Variants in ZDHHC14 observed in about 807,000 individuals in gnomAD.
The protein encoded by ZDHHC14 is zDHHC palmitoyltransferase 14, also known as palmitoyltransferase ZDHHC14.
A neutral mutation model predicts 47.7 loss-of-function variants in ZDHHC14; 16 were observed. The observed-to-expected ratio is 0.34, with a 90% CI of 0.23 to 0.51. ZDHHC14 has a LOEUF of 0.51. Ranked by LOEUF, ZDHHC14 falls within the 20% of genes least tolerant of loss-of-function variation. ZDHHC14 has a pLI of 0.97. For synonymous variants in ZDHHC14, 293 were observed against 278.9 expected (o/e 1.05, Z -0.50); for missense variants, 515 against 662.5 (o/e 0.78, Z 2.44).
At chr6:157,518,844 T>C (rs1780802681) in intron 1 of ZDHHC14, among the ~76,000 whole-genome samples, 1 of 152,248 alleles carries the variant, frequency 6.6e-6, no homozygotes, top group South Asian at 2.1e-4. Context: ...CAGCGCATTC[T>C]TGTGAGGGGT....
At chr6:157,507,679 A>G (rs1212037031) in intron 1 of ZDHHC14, among the ~76,000 whole-genome samples, 1 of 152,114 alleles carries the variant, frequency 6.6e-6, no homozygotes, top group Non-Finnish European at 1.5e-5. Context: ...TTTTAGCTCT[A>G]TCTGAGCCTC....
At chr6:157,556,030 C>T (rs895383157) in intron 2 of ZDHHC14, among the ~76,000 whole-genome samples, 8 of 152,046 alleles carry the variant, frequency 5.3e-5, no homozygotes, top group Non-Finnish European at 7.4e-5. Context: ...CCGGAGGAGG[C>T]GGTACTGGGA....
At chr6:157,436,215 T>A (rs745689196) in intron 1 of ZDHHC14, among the ~76,000 whole-genome samples, 12 of 152,204 alleles carry the variant, frequency 7.9e-5, no homozygotes, top group Non-Finnish European at 1.0e-4. Flanking sequence ...CTTTTTTTCC[T>A]TATTTGTAAA....
At chr6:157,490,964 T>G (rs1583701868) in intron 1 of ZDHHC14, among the ~76,000 whole-genome samples, 1 of 148,058 alleles carries the variant, frequency 6.8e-6, no homozygotes. Flanking sequence ...AAGCAGGGAG[T>G]GGGGGCGCAG....
chr6:157,416,626 C>T (rs1266320736), intron 1 of ZDHHC14, among the ~76,000 whole-genome samples: 2 of 61,116 alleles, frequency 3.3e-5, no homozygotes, highest in African/African-American at 7.6e-5. Context: ...CATGATTGTG[C>T]CACTGCACTC....
At chr6:157,613,773 GA>G (rs1784843303) in intron 3 of ZDHHC14, among the ~76,000 whole-genome samples, 1 of 152,134 alleles carries the variant, frequency 6.6e-6, no homozygotes, top group African/African-American at 2.4e-5. Context: ...TGGGGCCTAG[GA>G]ATAGGCTTCG....
At chr6:157,447,113 A>G (rs1480420225) in intron 1 of ZDHHC14, among the ~76,000 whole-genome samples, 2 of 152,044 alleles carry the variant, frequency 1.3e-5, no homozygotes, top group Non-Finnish European at 2.9e-5. Context: ...ATGAGATTCC[A>G]TATCAAAAAA....
chr6:157,443,588 C>T (rs570026401), intron 1 of ZDHHC14, among the ~76,000 whole-genome samples: 2 of 152,354 alleles, frequency 1.3e-5, no homozygotes, highest in African/African-American at 4.8e-5. Context: ...GAATGACTCA[C>T]AGTGGCTGCC....
chr6:157,540,910 G>GTGTATATATATATATA (rs1284429244), intron 1 of ZDHHC14, among the ~76,000 whole-genome samples: 3 of 122,990 alleles, frequency 2.4e-5, no homozygotes, highest in African/African-American at 1.3e-4. Context: ...GTGTGTGTGT[G>GTGTATATATATATATA]TATATATATA....
At chr6:157,392,884 AT>A (rs918733177) in intron 1 of ZDHHC14, among the ~76,000 whole-genome samples, 1 of 151,482 alleles carries the variant, frequency 6.6e-6, no homozygotes, top group Non-Finnish European at 1.5e-5. Context: ...TTTTTTAATT[AT>A]TTTTTTTGAG....
At chr6:157,667,996 T>C (rs974004121) in intron 8 of ZDHHC14, among the ~76,000 whole-genome samples, 4 of 152,224 alleles carry the variant, frequency 2.6e-5, no homozygotes, top group Non-Finnish European at 5.9e-5. Flanking sequence ...GAGATTTAGA[T>C]GGGTGACACC....
At chr6:157,489,241 T>C (rs979720686) in intron 1 of ZDHHC14, among the ~76,000 whole-genome samples, 1 of 152,200 alleles carries the variant, frequency 6.6e-6, no homozygotes, top group African/African-American at 2.4e-5. Flanking sequence ...TTTTAGAAAA[T>C]GAAAACATTA....
intron 1 of ZDHHC14, among the ~76,000 whole-genome samples, chr6:157,534,273 G>A (rs894984337): frequency 6.6e-6 from 1 of 152,190 alleles, no homozygotes; most frequent in Non-Finnish European, 1.5e-5. Context: ...GCCCTGGCTT[G>A]CCCTGACGAT....
intron 1 of ZDHHC14, among the ~76,000 whole-genome samples, chr6:157,471,178 C>A (rs1779345965): frequency 6.6e-6 from 1 of 152,216 alleles, no homozygotes; most frequent in Non-Finnish European, 1.5e-5. Flanking sequence ...CGTATCCCCA[C>A]CCCCAGGACT....
intron 1 of ZDHHC14, among the ~76,000 whole-genome samples, chr6:157,539,597 A>G (rs140979265): frequency 1.3e-5 from 2 of 152,112 alleles, no homozygotes; most frequent in Admixed American, 6.5e-5. Flanking sequence ...CAAGTGGGCC[A>G]TGCACCTAGG....
At chr6:157,471,372 A>ATGAT (rs1441279080) in intron 1 of ZDHHC14, among the ~76,000 whole-genome samples, 1 of 152,104 alleles carries the variant, frequency 6.6e-6, no homozygotes, top group African/African-American at 2.4e-5. Context: ...CATTTTCCCG[A>ATGAT]TGATTTCTGT....
intron 1 of ZDHHC14, among the ~76,000 whole-genome samples, chr6:157,462,001 T>A (rs1779099166): frequency 6.6e-6 from 1 of 152,150 alleles, no homozygotes; most frequent in African/African-American, 2.4e-5. Context: ...TTGGGTCAGA[T>A]CCTGGTCTAT....
chr6:157,631,857 A>G (rs1442561748), intron 4 of ZDHHC14: 1 of 152,252 alleles, frequency 6.6e-6, no homozygotes, highest in Non-Finnish European at 1.5e-5. Flanking sequence ...CTTAAGCACC[A>G]TCTCTCCTGA....
At chr6:157,641,308 A>T (rs1293793052) in intron 5 of ZDHHC14, among the ~76,000 whole-genome samples, 1 of 152,202 alleles carries the variant, frequency 6.6e-6, no homozygotes, top group African/African-American at 2.4e-5. Flanking sequence ...GTCGATAGGG[A>T]TGCCAAATGC....
Sources: allele counts gnomAD v4.1 joint callset (sites outside exome capture counted in the v4.1 genomes callset), GRCh38; gene constraint gnomAD v4.1.1; transcripts MANE v1.5; gene names NCBI Gene and HGNC (gene_info 2026-07-23, HGNC 2026-07-21).